The following PEX6 variants were observed in gnomAD, a reference collection of about 807,000 sequenced individuals.
PEX6 encodes the protein peroxisome biogenesis factor 6.
In PEX6, 55 loss-of-function variants were observed where a neutral mutation model predicts 85.6. The observed-to-expected ratio is 0.64, with a 90% CI of 0.52 to 0.80. PEX6 has a LOEUF of 0.80. Ranked by LOEUF, PEX6 falls within the 30% of genes least tolerant of loss-of-function variation. The pLI is 0.00. For missense variants in PEX6, 1,099 were observed against 1,260.3 expected (o/e 0.87, Z 1.94); for synonymous variants, 519 against 549.1 (o/e 0.95, Z 0.77).
Position 42,978,417 on chromosome 6 carries a change from A to C in PEX6, c.734T>G (p.Leu245Arg). Residue 245 changes from leucine to arginine, a missense_variant, in exon 1 of 17, where the codon CTA becomes CGA. Physicochemically the swap from Leu to Arg is moderately radical, Grantham distance 102. This residue lies in a region of PEX6 where 579 missense variants were observed against 611.6 expected (regional missense o/e 0.95). Transcript: ENST00000304611. The part of the protein sequence containing the change: ...SQPHLARVQV[L>R]EPRWDLSDRL... ...ATCAGAGAGGTCCCAGCGAGGTTCT[A>C]GGACCTGCACCCTAGCCAAGTGCGG... 1 of 1,614,164 alleles carries C rather than the reference A, an allele frequency of 6.2e-7. No homozygotes were observed. Among genetic ancestry groups the C allele is most frequent in the South Asian group, 1.1e-5 (1 of 91,080 alleles).
In PEX6 at chr6:42,978,262, A is replaced by C. The variant is rs751041452; in HGVS notation, c.882+7T>G. The stretch of plus-strand genomic sequence containing the variant: ...GAAGCACTCCTGACCCCAGTCCTTT[A>C]TCCTACCTGAATTCTGAGCTCTCCC... On this transcript the variant is annotated splice_region_variant and intron_variant, in intron 1 of 16. Transcript: ENST00000304611. The C allele has an allele frequency of 6.2e-7, 1 of 1,614,152 alleles. No individual in the cohort carries two copies. The highest frequency in any genetic ancestry group is 8.5e-7 in the Non-Finnish European group (1 of 1,179,992).
In PEX6 at chr6:42,978,764, C is replaced by T. The variant is rs1174856373; in HGVS notation, c.387G>A (p.Glu129=). 1 of 1,534,650 alleles carries T rather than the reference C, an allele frequency of 6.5e-7. No individual in the cohort carries two copies. The highest frequency in any genetic ancestry group is 2.4e-5 in the East Asian group (1 of 40,932). ...CCCGCGGTCCGGGCACTGGGAGGGT[C>T]TCTCCGCGCCTCACCAGCAGCGGCC... ...RVGPLLVRRG[E]TLPVPGPRVL... is the part of the protein sequence containing the mutation. The change falls in exon 1 of 17, where the codon GAG becomes GAA. Residue 129 remains glutamate, a synonymous_variant. Coordinates refer to ENST00000304611, the MANE Select transcript of PEX6 (RefSeq NM_000287.4).
chr6:42,969,570 T>G, intron 5 of PEX6, 98 bp downstream of exon 5: 1 of 1,480,490 alleles, frequency 6.8e-7, no homozygotes, highest in Non-Finnish European at 9.4e-7. Flanking sequence ...CCAATCCCAC[T>G]CTGGCCAGTT....
chr6:42,968,375 C>G lies in PEX6; in HGVS notation c.1603G>C (p.Gly535Arg). ...TCACCCAGCCCATCACGGTCCCGGC[C>G]CAGAAGGTCCACAGCTGTGAGCAAC... ...VLLLTAVDLLGRDRDGLGEDA... is the reference protein window; with the variant it reads ...VLLLTAVDLLRRDRDGLGEDA... The change falls in exon 7 of 17, where the codon GGC becomes CGC. Residue 535 changes from glycine (G) to arginine (R), a missense_variant. Around this residue, in one of 3 missense-constraint regions of PEX6, gnomAD observed 514 missense variants for 627.0 expected, o/e 0.82. Coordinates refer to ENST00000304611, the MANE Select transcript of PEX6 (RefSeq NM_000287.4). The G allele has an allele frequency of 7.4e-6, 12 of 1,614,176 alleles. No homozygotes were observed. The highest frequency in any genetic ancestry group is 1.0e-5 in the Non-Finnish European group (12 of 1,180,048).
rs1769805711 is a variant in PEX6, at chr6:42,966,349, C to T, written c.2193G>A (p.Leu731=). The change falls in exon 11 of 17, where the codon CTG becomes CTA. Residue 731 remains leucine (L), a synonymous_variant. Coordinates refer to ENST00000304611, the MANE Select transcript of PEX6 (RefSeq NM_000287.4). ...IQLPLEHPEL[L]SLGLRRSGLL... is the part of the protein sequence containing the mutation. ...GGCCTGAGCGTCTCAGGCCCAGGCT[C>T]AGTAGCTCAGGGTGCTCCAGGGGGA... is the stretch of plus-strand genomic sequence containing the variant. 6.8e-6 allele frequency: 11 copies of T among 1,613,926 alleles called. No individual in the cohort carries two copies. The highest frequency in any genetic ancestry group is 9.3e-6 in the Non-Finnish European group (11 of 1,180,000).
rs1489617481 is a variant in PEX6, at chr6:42,965,180, T to C, written c.2589-28A>G. On this transcript the variant is annotated intron_variant, in intron 14 of 16. Transcript: ENST00000304611. This position sits in a 1 kb window ranked among gnomAD's most constrained non-coding sequence, Gnocchi z 5.0. ...TTAGGGAGATAGGCAGGTATAAGTT[T>C]CAGGGAGCCCAGCCATGAGGGGTGA... 1 of 1,613,070 alleles carries C rather than the reference T, an allele frequency of 6.2e-7. No homozygotes were observed. Among genetic ancestry groups the C allele is most frequent in the Middle Eastern group, 1.7e-4 (1 of 6,058 alleles).
Position 42,966,799 on chromosome 6 carries a change from G to A in PEX6, c.1944C>T (p.Thr648=), listed in dbSNP as rs1274971290. The change falls in exon 9 of 17, where the codon ACC becomes ACT. Residue 648 remains threonine (T), a synonymous_variant. Transcript: ENST00000304611. ...CCTCTTACCCTGAGTTCTTGATCCT[G>A]GTGCAGGCTGCCCGGCTGCTGTGGG... ...LLTHSSRAAC[T]RIKNSGLAGG... 6.2e-7 allele frequency: 1 copy of A among 1,613,806 alleles called. No homozygotes were observed. The highest frequency in any genetic ancestry group is 8.5e-7 in the Non-Finnish European group (1 of 1,179,980).
In PEX6 at chr6:42,974,964, T is replaced by C. The variant is rs1217545677; in HGVS notation, c.957A>G (p.Arg319=). 2.5e-6 allele frequency: 4 copies of C among 1,613,838 alleles called. No homozygotes were observed. The highest frequency in any genetic ancestry group is 3.4e-6 in the Non-Finnish European group (4 of 1,179,874). Residue 319 remains arginine, a synonymous_variant, in exon 2 of 17, where the codon AGA becomes AGG. Coordinates refer to ENST00000304611, the MANE Select transcript of PEX6 (RefSeq NM_000287.4). The stretch of plus-strand genomic sequence containing the variant: ...AAGACACAATTTCGATGTGTAACTC[T>C]CTGGCAAATGGAGGCCCAGGCAGCA... The part of the protein sequence containing the change: ...CSLLPGPPFA[R]ELHIEIVSSP...
intron 1 of PEX6, among the ~76,000 whole-genome samples, chr6:42,977,744 G>C (rs942942980): frequency 8.4e-6 from 1 of 118,742 alleles, no homozygotes; most frequent in Non-Finnish European, 1.6e-5. Context: ...ATTCCAGCCT[G>C]GGTGACAGAG....
intron 8 of PEX6, 26 bp downstream of exon 8, chr6:42,967,342 G>A (rs989470188): frequency 1.3e-6 from 2 of 1,598,340 alleles, no homozygotes; most frequent in African/African-American, 2.7e-5. Context: ...TCCTAGGGAG[G>A]GCCAGTACTC....
intron 3 of PEX6, 81 bp downstream of exon 3, chr6:42,973,922 C>G (rs1320552940): frequency 8.4e-6 from 8 of 948,012 alleles, no homozygotes; most frequent in Non-Finnish European, 1.4e-5. Flanking sequence ...ACAAATTACA[C>G]ATGATTTGCA....
intron 6 of PEX6, 121 bp downstream of exon 6, chr6:42,968,753 T>G (rs1369096172): frequency 4.7e-6 from 4 of 846,782 alleles, no homozygotes; most frequent in Non-Finnish European, 8.2e-6. Flanking sequence ...CCTGACCCAC[T>G]GGGCTGAAGT....
In PEX6 at chr6:42,965,140, C is replaced by A. The variant is rs1769712635; in HGVS notation, c.2601G>T (p.Leu867=). 1 of 1,614,054 alleles carries A rather than the reference C, an allele frequency of 6.2e-7. No homozygotes were observed. The highest frequency in any genetic ancestry group is 8.5e-7 in the Non-Finnish European group (1 of 1,180,024). The change falls in exon 15 of 17, where the codon CTG becomes CTT. Residue 867 remains leucine (L), a synonymous_variant. Transcript: ENST00000304611. The surrounding 1 kb of genome is among the most constrained non-coding windows in gnomAD (Gnocchi z 5.0). ...GGTCCTCATTTGCCCCCACAAACACCAGCTTGTCAAATCTTTAGGGAGATA... is the reference window on the plus strand; with the variant it reads ...GGTCCTCATTTGCCCCCACAAACACAAGCTTGTCAAATCTTTAGGGAGATA... The part of the protein sequence containing the change: ...ALLRPGRFDK[L]VFVGANEDRA...
intron 8 of PEX6, 117 bp from the exon 9 acceptor site, chr6:42,966,975 T>G (rs1028054213): frequency 3.3e-5 from 26 of 779,944 alleles, no homozygotes; most frequent in East Asian, 5.1e-5. Context: ...TTGTTTTTTT[T>G]TTTTTTTTTT....
rs1400693848 is a variant in PEX6, at chr6:42,978,719, C to A, written c.432G>T (p.Ala144=). Reference sequence around the variant, plus strand: ...TCCCTGGGCCCAGCAGCCCTTGCAACGCCGGCCGCGTCTCCAGCACCCGCG... The same window carrying A: ...TCCCTGGGCCCAGCAGCCCTTGCAAAGCCGGCCGCGTCTCCAGCACCCGCG... ...PGPRVLETRP[A]LQGLLGPGTR... is the part of the protein sequence containing the mutation. The change falls in exon 1 of 17, where the codon GCG becomes GCT. Residue 144 remains alanine, a synonymous_variant. Coordinates refer to ENST00000304611, the MANE Select transcript of PEX6 (RefSeq NM_000287.4). 6.5e-7 allele frequency: 1 copy of A among 1,540,336 alleles called. No individual in the cohort carries two copies. Among genetic ancestry groups the A allele is most frequent in the East Asian group, 2.4e-5 (1 of 41,270 alleles).
In PEX6 at chr6:42,964,770, C is replaced by T. The variant is rs1413858238; in HGVS notation, c.2806+20G>A. On this transcript the variant is annotated intron_variant, in intron 16 of 16. Transcript: ENST00000304611. The surrounding 1 kb of genome is among the most constrained non-coding windows in gnomAD (Gnocchi z 4.6). ...CCCACTAGCTTTTTGGTTGACCTCT[C>T]AGACCGGCAAGTGGCTCACCTTCCT... 1 of 1,613,926 alleles carries T rather than the reference C, an allele frequency of 6.2e-7. No homozygotes were observed. The highest frequency in any genetic ancestry group is 8.5e-7 in the Non-Finnish European group (1 of 1,179,990).
rs142899308 is a variant in PEX6 at position 42,966,359 on chromosome 6, G to A, written c.2183C>T (p.Pro728Leu). 237 of 1,613,852 alleles carry A rather than the reference G, an allele frequency of 1.5e-4. No individual in the cohort carries two copies. The highest frequency in any genetic ancestry group is 1.9e-5 in the Non-Finnish European group (23 of 1,180,006). The change falls in exon 11 of 17, where the codon CCT becomes CTT. Residue 728 changes from proline to leucine, a missense_variant. Around this residue, in one of 3 missense-constraint regions of PEX6, gnomAD observed 514 missense variants for 627.0 expected, o/e 0.82. Transcript: ENST00000304611. ...LETIQLPLEH[P>L]ELLSLGLRRS... is the part of the protein sequence containing the mutation. ...TCTCAGGCCCAGGCTCAGTAGCTCA[G>A]GGTGCTCCAGGGGGAGCTGAATGGT...
chr6:42,978,242 A>C, intron 1 of PEX6, 27 bp downstream of exon 1: 1 of 1,612,850 alleles, frequency 6.2e-7, no homozygotes, highest in Non-Finnish European at 8.5e-7. Context: ...AAGAGGAAGC[A>C]CTCCTGACCC....
chr6:42,963,992 C>G lies in PEX6; in HGVS notation c.*343G>C, dbSNP rs117055658. 433 of 427,558 alleles carry G rather than the reference C, an allele frequency of 1.0e-3. 1 individual carries two copies. In the East Asian group the frequency reaches 0.021, roughly 21 times the overall value. The allele number at this position is 427,558 out of a possible 1,614,324, so 26.5% of individuals were successfully genotyped here. A position where few individuals can be genotyped will look rare whatever the true frequency, so the allele number is the denominator to read the frequency against. On this transcript the variant is annotated 3_prime_UTR_variant, in exon 17 of 17. Transcript: ENST00000304611. ...CCTGCTCTTTCTCACTCCAACCTTT[C>G]ATGCCACAACACCAGTAGGGGGCGG... is the stretch of plus-strand genomic sequence containing the variant.
Sources: allele counts gnomAD v4.1 joint callset (sites outside exome capture counted in the v4.1 genomes callset), GRCh38; gene constraint gnomAD v4.1.1; regional missense constraint gnomAD v4.1.1; non-coding constraint Gnocchi (gnomAD v3.1); transcripts MANE v1.5; gene names NCBI Gene and HGNC (gene_info 2026-07-23, HGNC 2026-07-21).